Variants in ALS2 observed in about 807,000 individuals in gnomAD.
The protein encoded by ALS2 is alsin Rho guanine nucleotide exchange factor ALS2, also known as alsin.
Under a neutral mutation model 203.4 loss-of-function variants are expected in ALS2, and 117 were observed. That is an observed-to-expected ratio of 0.58 (90% CI 0.50 to 0.67). The LOEUF is 0.67. Among genes scored for constraint, ALS2 ranks in the 30% least tolerant of loss-of-function variants. The pLI, the probability that ALS2 is intolerant of heterozygous loss-of-function variation, is 0.00. For synonymous variants in ALS2, 718 were observed against 725.9 expected (o/e 0.99, Z 0.17); for missense variants, 1,715 against 1,989.4 (o/e 0.86, Z 2.62).
chr2:201,723,794 G>A (rs1475339181), intron 21 of ALS2, among the ~76,000 whole-genome samples: 1 of 152,170 alleles, frequency 6.6e-6, no homozygotes, highest in African/African-American at 2.4e-5. Flanking sequence ...CCTATGCACA[G>A]GTTTTTCTTA....
rs149881874 is a variant in ALS2 at position 201,767,429 on chromosome 2, C to G, written c.21-46G>C. The G allele has an allele frequency of 1.1e-4, 181 of 1,599,972 alleles. No homozygotes were observed. The African/African-American group carries it at 1.9e-3, about 17-fold the overall frequency. On this transcript the variant is annotated intron_variant, in intron 2 of 33. Coordinates refer to ENST00000264276, the MANE Select transcript of ALS2 (RefSeq NM_020919.4). ...GCTTAATTGTTTCTACAATTCAGAA[C>G]AGTATCCTTTGTTCTTAATACTTTT...
At chr2:201,770,857 A>C (rs1292363933) in intron 1 of ALS2, among the ~76,000 whole-genome samples, 1 of 152,184 alleles carries the variant, frequency 6.6e-6, no homozygotes, top group African/African-American at 2.4e-5. Flanking sequence ...TCCAGAAAAA[A>C]GCAGCCATGC....
At chr2:201,709,745 T>C in intron 27 of ALS2, 136 bp downstream of exon 27, 2 of 1,093,978 alleles carry the variant, frequency 1.8e-6, no homozygotes, top group Non-Finnish European at 2.8e-6. Flanking sequence ...CACATACATT[T>C]AAAACATGTT....
At chr2:201,780,547 T>C (rs1475267912) in intron 1 of ALS2, among the ~76,000 whole-genome samples, 1 of 152,098 alleles carries the variant, frequency 6.6e-6, no homozygotes, top group Non-Finnish European at 1.5e-5. Context: ...GCAGCGTGGG[T>C]GGAGGCGGGA....
intron 31 of ALS2, 87 bp downstream of exon 31, chr2:201,705,052 T>G: frequency 7.6e-7 from 1 of 1,313,258 alleles, no homozygotes. Flanking sequence ...GCTTAAGGCT[T>G]AGGTAAAGAT....
intron 19 of ALS2, 57 bp from the exon 20 acceptor site, chr2:201,725,511 T>C (rs1691112427): frequency 2.6e-5 from 35 of 1,330,018 alleles, no homozygotes; most frequent in Non-Finnish European, 3.7e-5. Flanking sequence ...TATTCACCTT[T>C]TGTATGTATA....
chr2:201,742,757 G>C (rs1442602646), intron 10 of ALS2, among the ~76,000 whole-genome samples: 3 of 152,176 alleles, frequency 2.0e-5, no homozygotes, highest in African/African-American at 7.2e-5. Context: ...TTAGTTGTTT[G>C]AAAAGATGTT....
At chr2:201,745,799 A>G (rs1244719099) in intron 9 of ALS2, among the ~76,000 whole-genome samples, 7 of 152,040 alleles carry the variant, frequency 4.6e-5, no homozygotes, top group Admixed American at 4.6e-4. Context: ...AAATACAAAA[A>G]TTAGCTGGGC....
chr2:201,721,288 T>C (rs1690777638), intron 23 of ALS2, among the ~76,000 whole-genome samples: 1 of 152,212 alleles, frequency 6.6e-6, no homozygotes. Flanking sequence ...TTAGCAAGGT[T>C]TATTGCAGAA....
chr2:201,742,979 G>A (rs976674744), intron 10 of ALS2, among the ~76,000 whole-genome samples: 1 of 150,812 alleles, frequency 6.6e-6, no homozygotes, highest in Non-Finnish European at 1.5e-5. Context: ...GCTGAGGCAC[G>A]AGAATTGCTT....
intron 12 of ALS2, among the ~76,000 whole-genome samples, chr2:201,735,440 G>A (rs943501504): frequency 1.3e-5 from 2 of 152,200 alleles, no homozygotes; most frequent in Non-Finnish European, 2.9e-5. Context: ...AGCCTGATGT[G>A]AGCAGCTGAG....
chr2:201,735,502 T>C (rs1691821671), intron 12 of ALS2, among the ~76,000 whole-genome samples: 1 of 152,244 alleles, frequency 6.6e-6, no homozygotes, highest in African/African-American at 2.4e-5. Context: ...CAAGATCCAC[T>C]AACAGCCATG....
chr2:201,761,830 A>C lies in ALS2; in HGVS notation c.176-12T>G, dbSNP rs1292665988. ...GTAGACCTCACCATCTGAAGGTTAAAAAAAAGAAAAAAGAAAAAAAAAAGG... is the reference window on the plus strand; with the variant it reads ...GTAGACCTCACCATCTGAAGGTTAACAAAAAGAAAAAAGAAAAAAAAAAGG... On this transcript the variant is annotated splice_polypyrimidine_tract_variant and intron_variant, in intron 3 of 33. Coordinates refer to ENST00000264276, the MANE Select transcript of ALS2 (RefSeq NM_020919.4). The C allele has an allele frequency of 6.2e-7, 1 of 1,612,100 alleles. No homozygotes were observed. The highest frequency in any genetic ancestry group is 1.3e-5 in the African/African-American group (1 of 74,778).
At chr2:201,701,913 T>C in intron 33 of ALS2, 24 bp from the exon 34 acceptor site, 2 of 1,611,914 alleles carry the variant, frequency 1.2e-6, no homozygotes, top group Non-Finnish European at 1.7e-6. Flanking sequence ...TCAAAATAAT[T>C]TCAAATTCAC....
In ALS2 at chr2:201,724,381, T is replaced by C. The variant is rs768302522; in HGVS notation, c.3426A>G (p.Lys1142=). 4.3e-6 allele frequency: 7 copies of C among 1,613,820 alleles called. No homozygotes were observed. Among genetic ancestry groups the C allele is most frequent in the Non-Finnish European group, 5.9e-6 (7 of 1,179,716 alleles). Residue 1142 remains lysine, a synonymous_variant, in exon 21 of 34, where the codon AAA becomes AAG. Transcript: ENST00000264276. ...ACATACTAGGAGAAGAGGACGTCAA[T>C]TTCCCACTTCGTAGAAGACCATGAC... ...RHGHGLLRSG[K]LTSSSPSMFI... is the part of the protein sequence containing the mutation.
chr2:201,754,099 C>G (rs1239760999), intron 6 of ALS2, among the ~76,000 whole-genome samples: 1 of 151,842 alleles, frequency 6.6e-6, no homozygotes, highest in African/African-American at 2.4e-5. Flanking sequence ...CAACCTCTGC[C>G]CTTCCCAGAT....
chr2:201,739,676 G>C (rs917069970), intron 11 of ALS2, among the ~76,000 whole-genome samples: 17 of 151,590 alleles, frequency 1.1e-4, no homozygotes, highest in Admixed American at 7.9e-4. Context: ...TTGGGAGGCA[G>C]AGGTTGCGGC....
chr2:201,708,498 T>A (rs894013302), intron 27 of ALS2, among the ~76,000 whole-genome samples: 1 of 152,214 alleles, frequency 6.6e-6, no homozygotes, highest in African/African-American at 2.4e-5. Context: ...ACCCATCACC[T>A]GAACAGTGAA....
intron 9 of ALS2, among the ~76,000 whole-genome samples, chr2:201,745,884 G>A (rs1382112760): frequency 6.6e-6 from 1 of 152,180 alleles, no homozygotes. Flanking sequence ...AGGAGGCAGA[G>A]GTTGCAATGG....
Sources: gnomAD v4.1 joint callset for allele counts (sites outside exome capture counted in the v4.1 genomes callset) on GRCh38, gnomAD v4.1.1 for gene constraint, MANE v1.5 for transcripts, NCBI Gene and HGNC (gene_info 2026-07-23, HGNC 2026-07-21) for gene names.